The following CATSPERG variants were observed in gnomAD, a reference collection of about 807,000 sequenced individuals.
CATSPERG encodes the protein catsper channel auxiliary subunit gamma.
A neutral mutation model predicts 145.0 loss-of-function variants in CATSPERG; 115 were observed. That is an observed-to-expected ratio of 0.79 (90% confidence interval 0.68 to 0.93). CATSPERG has a LOEUF of 0.93. Among genes scored for constraint, CATSPERG ranks in the 40% least tolerant of loss-of-function variants. CATSPERG has a pLI of 0.00. For missense variants in CATSPERG, 1,296 were observed against 1,490.1 expected (o/e 0.87, Z 2.14); for synonymous variants, 588 against 589.0 (o/e 1.00, Z 0.02).
At chr19:38,364,181 C>T (rs1055765325) in intron 20 of CATSPERG, among the ~76,000 whole-genome samples, 2 of 151,910 alleles carry the variant, frequency 1.3e-5, no homozygotes, top group South Asian at 2.1e-4. Context: ...GGCTGCCGGG[C>T]GGAGACGCTC....
At chr19:38,359,858 C>G (rs1309276218) in intron 14 of CATSPERG, 2 of 1,165,616 alleles carry the variant, frequency 1.7e-6, no homozygotes, top group Non-Finnish European at 2.1e-6. Flanking sequence ...TGAGCATTTA[C>G]TGTGTGCCTG....
chr19:38,341,858 C>T (rs897830264), intron 3 of CATSPERG, among the ~76,000 whole-genome samples: 10 of 151,914 alleles, frequency 6.6e-5, no homozygotes, highest in Middle Eastern at 3.4e-3. Context: ...GCTGAGATGG[C>T]GCCCTTATAC....
intron 26 of CATSPERG, 95 bp from the exon 27 acceptor site, chr19:38,369,877 G>C: frequency 1.8e-6 from 2 of 1,087,810 alleles, no homozygotes; most frequent in Non-Finnish European, 2.8e-6. Context: ...GCACCCATTT[G>C]GTCCTCACCG....
Position 38,337,300 on chromosome 19 carries a change from G to A in CATSPERG, c.66G>A (p.Leu22=). The stretch of plus-strand genomic sequence containing the variant: ...CCAGAGTCCGAGTCGTGCAGGTGCT[G>A]TGGGCCCTGCTGGCAGTGCTCCTGG... ...PWPRVRVVQV[L]WALLAVLLAS... Residue 22 remains leucine, a synonymous_variant, in exon 2 of 29, where the codon CTG becomes CTA. Transcript: ENST00000409235. The A allele has an allele frequency of 6.4e-7, 1 of 1,551,332 alleles. No individual in the cohort carries two copies. The highest frequency in any genetic ancestry group is 8.7e-7 in the Non-Finnish European group (1 of 1,146,894).
chr19:38,346,933 G>A (rs916742764), intron 7 of CATSPERG, among the ~76,000 whole-genome samples: 3 of 152,104 alleles, frequency 2.0e-5, no homozygotes, highest in Non-Finnish European at 4.4e-5. Flanking sequence ...GTTTCTGGCC[G>A]GGTGCAGAGG....
Position 38,343,734 on chromosome 19 carries a change from G to C in CATSPERG, c.469+10G>C. ...CCCTTCCGCAGCAAAGGTGGGCCTG[G>C]GGGAGGCGGGAGGGATCGCAACCTG... On this transcript the variant is annotated intron_variant, in intron 4 of 28. Transcript: ENST00000409235. 1 of 1,548,358 alleles carries C rather than the reference G, an allele frequency of 6.5e-7. No homozygotes were observed. The highest frequency in any genetic ancestry group is 8.7e-7 in the Non-Finnish European group (1 of 1,146,782).
chr19:38,363,775 T>C (rs1204654735), intron 20 of CATSPERG, among the ~76,000 whole-genome samples: 1 of 151,972 alleles, frequency 6.6e-6, no homozygotes, highest in African/African-American at 2.4e-5. Flanking sequence ...GAGCACAGGG[T>C]TGGGGGTAAG....
At chr19:38,341,424 A>G (rs1260845958) in intron 3 of CATSPERG, among the ~76,000 whole-genome samples, 3 of 152,162 alleles carry the variant, frequency 2.0e-5, no homozygotes, top group East Asian at 1.9e-4. Flanking sequence ...CTCCTCTGCA[A>G]TGGGAACTCA....
In CATSPERG at chr19:38,346,595, C is replaced by G. The variant is rs1366216301; in HGVS notation, c.815C>G (p.Ser272Cys). 7 of 1,551,130 alleles carry G rather than the reference C, an allele frequency of 4.5e-6. No individual in the cohort carries two copies. Among genetic ancestry groups the G allele is most frequent in the Non-Finnish European group, 5.2e-6 (6 of 1,146,518 alleles). The part of the protein sequence containing the change: ...LMTDTSFKDF[S>C]LVELSIDSCW... ...ACTGACACCAGCTTCAAGGACTTCT[C>G]TCTCGTGGAGGTGAACGGTGTGGGG... Residue 272 changes from serine to cysteine, a missense_variant, in exon 7 of 29, where the codon TCT becomes TGT. Physicochemically the swap from Ser to Cys is moderately radical, Grantham distance 112. Coordinates refer to ENST00000409235, the MANE Select transcript of CATSPERG (RefSeq NM_021185.5).
chr19:38,364,606 C>T (rs887691608), intron 20 of CATSPERG, among the ~76,000 whole-genome samples: 4 of 152,232 alleles, frequency 2.6e-5, no homozygotes, highest in African/African-American at 7.2e-5. Flanking sequence ...GCCGAGATCA[C>T]GCCACTGCAC....
chr19:38,356,127 A>C (rs1367234510), intron 9 of CATSPERG, among the ~76,000 whole-genome samples: 1 of 152,116 alleles, frequency 6.6e-6, no homozygotes, highest in Non-Finnish European at 1.5e-5. Flanking sequence ...CTATTCCTCC[A>C]TGGAGGTTAA....
chr19:38,350,914 G>A (rs756138313), intron 7 of CATSPERG, among the ~76,000 whole-genome samples: 8 of 152,140 alleles, frequency 5.3e-5, no homozygotes, highest in Non-Finnish European at 1.2e-4. Context: ...GCTGGAACCC[G>A]GGAGGCAGAG....
chr19:38,368,548 G>T (rs978313444), intron 26 of CATSPERG, among the ~76,000 whole-genome samples: 7 of 152,268 alleles, frequency 4.6e-5, no homozygotes, highest in Admixed American at 1.3e-4. Flanking sequence ...TCATAAATTT[G>T]TTTTTATTTT....
chr19:38,363,933 A>G (rs894455971), intron 20 of CATSPERG, among the ~76,000 whole-genome samples: 3 of 152,198 alleles, frequency 2.0e-5, no homozygotes, highest in African/African-American at 7.2e-5. Context: ...TTTCCACTCC[A>G]CAAAACCGCC....
chr19:38,344,423 C>T lies in CATSPERG; in HGVS notation c.669+55C>T. 10 of 1,454,088 alleles carry T rather than the reference C, an allele frequency of 6.9e-6. No homozygotes were observed. In the South Asian group the frequency reaches 9.8e-5, roughly 14 times the overall value. 90.1% of individuals were successfully genotyped at this position (1,454,088 alleles called of 1,614,324 possible). Reference sequence around the variant, plus strand: ...ATGGTCTGGGCCTTAGGCTGACGCCCTGGTTACTTCCCAGACAAGCAGCAG... The same window carrying T: ...ATGGTCTGGGCCTTAGGCTGACGCCTTGGTTACTTCCCAGACAAGCAGCAG... On this transcript the variant is annotated intron_variant, in intron 6 of 28. Coordinates refer to ENST00000409235, the MANE Select transcript of CATSPERG (RefSeq NM_021185.5).
At chr19:38,356,661 G>A (rs1970248894) in intron 10 of CATSPERG, 81 bp from the exon 11 acceptor site, 4 of 1,596,664 alleles carry the variant, frequency 2.5e-6, no homozygotes, top group African/African-American at 2.7e-5. Context: ...GGAGGGGTGA[G>A]TTATGGGGAG....
intron 3 of CATSPERG, 32 bp downstream of exon 3, chr19:38,337,678 T>C: frequency 6.6e-7 from 1 of 1,521,390 alleles, no homozygotes. Flanking sequence ...AGGCTCATTC[T>C]ATGAGCCTTG....
At chr19:38,368,169 C>T in intron 26 of CATSPERG, 32 bp downstream of exon 26, 1 of 1,589,532 alleles carries the variant, frequency 6.3e-7, no homozygotes, top group Non-Finnish European at 8.6e-7. Context: ...TCTTGGCCCC[C>T]ATCTGTCGGT....
intron 10 of CATSPERG, 31 bp from the exon 11 acceptor site, chr19:38,356,711 G>A: frequency 1.9e-6 from 3 of 1,612,790 alleles, no homozygotes; most frequent in Non-Finnish European, 2.5e-6. Flanking sequence ...TGAGCCCTGG[G>A]GCGGCTCTGG....
Sources: gnomAD v4.1 joint callset for allele counts (sites outside exome capture counted in the v4.1 genomes callset) on GRCh38, gnomAD v4.1.1 for gene constraint, MANE v1.5 for transcripts, NCBI Gene and HGNC (gene_info 2026-07-23, HGNC 2026-07-21) for gene names.